Variants in DLG2 observed in about 807,000 individuals in gnomAD.
The protein encoded by DLG2 is disks large homolog 2.
Under a neutral mutation model 132.5 loss-of-function variants are expected in DLG2, and 45 were observed. That is an observed-to-expected ratio of 0.34 (90% CI 0.27 to 0.44). The LOEUF (loss-of-function observed/expected upper bound fraction) is 0.44. Ranked by LOEUF, DLG2 falls within the 20% of genes least tolerant of loss-of-function variation. The pLI is 1.00. For synonymous variants in DLG2, 424 were observed against 419.6 expected (o/e 1.01, Z -0.13); for missense variants, 1,045 against 1,196.9 (o/e 0.87, Z 1.87).
In DLG2 at chr11:83,964,275, A is replaced by G. The variant is rs138562755; in HGVS notation, c.1201+1049T>C. 7.3e-4 allele frequency among the ~76,000 whole-genome samples: 111 copies of G among 152,144 alleles called. 2 individuals carry two copies. In the South Asian group the frequency reaches 9.1e-3, roughly 12 times the overall value. ...TTCTTCCAGTTTGAAAAACTCTGAA[A>G]GTTAAAACTCTTTCATATTCTAAGG... On this transcript the variant is annotated intron_variant, in intron 13 of 27. Coordinates refer to ENST00000376104, the MANE Select transcript of DLG2 (RefSeq NM_001142699.3).
intron 6 of DLG2, among the ~76,000 whole-genome samples, chr11:84,870,260 GT>G (rs2085274440): frequency 6.6e-6 from 1 of 152,188 alleles, no homozygotes; most frequent in African/African-American, 2.4e-5. Flanking sequence ...GAAGAGCGAT[GT>G]TTTAGCAGTA....
chr11:84,202,736 A>AAGGGGAC (rs2096613036), intron 8 of DLG2, among the ~76,000 whole-genome samples: 1 of 152,224 alleles, frequency 6.6e-6, no homozygotes, highest in African/African-American at 2.4e-5. Flanking sequence ...AAAGTGTAAC[A>AAGGGGAC]TCCAGCATCT....
chr11:84,888,621 T>C (rs2088761434), intron 6 of DLG2, among the ~76,000 whole-genome samples: 1 of 152,110 alleles, frequency 6.6e-6, no homozygotes, highest in South Asian at 2.1e-4. Context: ...AAAACCCTAA[T>C]ATACTCTTGT....
intron 3 of DLG2, among the ~76,000 whole-genome samples, chr11:85,318,565 G>A (rs970325748): frequency 2.0e-5 from 3 of 151,886 alleles, no homozygotes; most frequent in East Asian, 1.9e-4. Context: ...TTCCCAAAAG[G>A]CTTTGTAAAT....
intron 16 of DLG2, among the ~76,000 whole-genome samples, chr11:83,838,290 C>T (rs7107629): frequency 0.72 from 110,131 of 152,086 alleles, 41,351 homozygotes; most frequent in African/African-American, 0.93. Flanking sequence ...GACAAGTACA[C>T]GGATGTTCAT....
At chr11:83,763,526 C>T (rs752914341) in intron 18 of DLG2, among the ~76,000 whole-genome samples, 1 of 152,246 alleles carries the variant, frequency 6.6e-6, no homozygotes, top group Admixed American at 6.5e-5. Context: ...CATAGAAAAA[C>T]CCACAGCCAA....
At chr11:84,765,178 T>A (rs2153875070) in intron 6 of DLG2, among the ~76,000 whole-genome samples, 1 of 152,218 alleles carries the variant, frequency 6.6e-6, no homozygotes, top group Middle Eastern at 3.4e-3. Context: ...GGTTTTTGGA[T>A]CCTCCATAAT....
intron 4 of DLG2, among the ~76,000 whole-genome samples, chr11:85,231,626 T>A (rs1292819022): frequency 6.6e-6 from 1 of 151,972 alleles, no homozygotes; most frequent in Non-Finnish European, 1.5e-5. Flanking sequence ...GATGCTACAT[T>A]GTTGACATCA....
intron 19 of DLG2, among the ~76,000 whole-genome samples, chr11:83,605,007 C>CAGAGAGAG (rs71066055): frequency 0.073 from 9,492 of 129,824 alleles, 636 homozygotes; most frequent in African/African-American, 0.15. Context: ...TTTTCAAAGA[C>CAGAGAGAG]AGAGAGAGAG....
At chr11:84,537,797 T>C (rs1002314657) in intron 6 of DLG2, among the ~76,000 whole-genome samples, 1 of 152,232 alleles carries the variant, frequency 6.6e-6, no homozygotes, top group Non-Finnish European at 1.5e-5. Context: ...CAATAAGTGT[T>C]TGTTGAATAT....
chr11:84,546,660 T>G (rs78214764), intron 6 of DLG2: 33,808 of 529,762 alleles, frequency 0.064, 1,420 homozygotes, highest in South Asian at 0.1. Context: ...CACAGTGGCA[T>G]ATGTGACAAA....
chr11:85,017,102 A>G (rs2059638836), intron 6 of DLG2, among the ~76,000 whole-genome samples: 1 of 152,168 alleles, frequency 6.6e-6, no homozygotes, highest in South Asian at 2.1e-4. Context: ...CTCAAAGCCT[A>G]AAATATTTAC....
chr11:84,704,978 C>T (rs566132491), intron 6 of DLG2, among the ~76,000 whole-genome samples: 6 of 150,578 alleles, frequency 4.0e-5, no homozygotes, highest in African/African-American at 1.5e-4. Context: ...TGAGCATGTA[C>T]ACATGTGCAC....
At chr11:85,031,038 T>C (rs569417281) in intron 6 of DLG2, among the ~76,000 whole-genome samples, 1 of 152,134 alleles carries the variant, frequency 6.6e-6, no homozygotes, top group East Asian at 1.9e-4. Context: ...GATGAAATGT[T>C]CTATTTTATA....
At chr11:84,273,100 G>T (rs1165421026) in intron 7 of DLG2, 8 of 1,404,614 alleles carry the variant, frequency 5.7e-6, no homozygotes, top group East Asian at 2.6e-5. Context: ...AGGAGAAAAA[G>T]GAAGAATAAA....
chr11:84,712,893 A>C (rs2060606869), intron 6 of DLG2, among the ~76,000 whole-genome samples: 1 of 152,116 alleles, frequency 6.6e-6, no homozygotes, highest in East Asian at 1.9e-4. Flanking sequence ...TGAGTTCGAA[A>C]CTAGAAGACC....
At chr11:85,148,943 G>A (rs2077044243) in intron 5 of DLG2, among the ~76,000 whole-genome samples, 1 of 152,092 alleles carries the variant, frequency 6.6e-6, no homozygotes, top group East Asian at 1.9e-4. Flanking sequence ...TAAGGAAGGG[G>A]TCAAGTTTCA....
chr11:84,970,699 C>A (rs896820772), intron 6 of DLG2, among the ~76,000 whole-genome samples: 2 of 152,190 alleles, frequency 1.3e-5, no homozygotes, highest in Non-Finnish European at 2.9e-5. Flanking sequence ...CAGATCATAG[C>A]AGCTTCCTAT....
At chr11:83,603,146 T>C (rs2058817828) in intron 19 of DLG2, among the ~76,000 whole-genome samples, 1 of 152,094 alleles carries the variant, frequency 6.6e-6, no homozygotes, top group Non-Finnish European at 1.5e-5. Context: ...ATAAATCATA[T>C]AAAATCTCTG....
Sources: allele counts gnomAD v4.1 joint callset (sites outside exome capture counted in the v4.1 genomes callset), GRCh38; gene constraint gnomAD v4.1.1; transcripts MANE v1.5; gene names NCBI Gene and HGNC (gene_info 2026-07-23, HGNC 2026-07-21).